The following TMEM117 variants were observed in gnomAD, a reference collection of about 807,000 sequenced individuals.
The protein encoded by TMEM117 is transmembrane protein 117.
In TMEM117, 27 loss-of-function variants were observed where a neutral mutation model predicts 52.4. The observed-to-expected ratio is 0.51, with a 90% CI of 0.38 to 0.71. The LOEUF (loss-of-function observed/expected upper bound fraction) is 0.71, where lower values mean the gene tolerates loss of function less well. TMEM117 is among the 30% of genes least tolerant of loss of function. The pLI is 0.00. For synonymous variants in TMEM117, 215 were observed against 206.3 expected (o/e 1.04, Z -0.36); for missense variants, 556 against 630.5 (o/e 0.88, Z 1.26).
At chr12:43,907,795 A>T (rs1015514842) in intron 2 of TMEM117, among the ~76,000 whole-genome samples, 1 of 143,680 alleles carries the variant, frequency 7.0e-6, no homozygotes, top group African/African-American at 2.5e-5. Flanking sequence ...AAGTTTAGAG[A>T]AAAAAGAATA....
chr12:43,799,177 T>C, the TMEM117 span, among the ~76,000 whole-genome samples: 3 of 152,106 alleles, frequency 2.0e-5, no homozygotes, highest in Non-Finnish European at 4.4e-5. Flanking sequence ...ATGAAGATTA[T>C]AGGAAAAGCT....
intron 4 of TMEM117, among the ~76,000 whole-genome samples, chr12:44,158,285 A>T (rs1191651751): frequency 6.6e-6 from 1 of 152,174 alleles, no homozygotes; most frequent in Non-Finnish European, 1.5e-5. Flanking sequence ...CAGGTGTGAC[A>T]ACAAAAGAAT....
chr12:44,287,223 T>C (rs1179673061), intron 5 of TMEM117, among the ~76,000 whole-genome samples: 1 of 152,154 alleles, frequency 6.6e-6, no homozygotes, highest in East Asian at 1.9e-4. Flanking sequence ...ATGGAATCAT[T>C]ATAATGAAGA....
intron 3 of TMEM117, among the ~76,000 whole-genome samples, chr12:44,101,550 G>A (rs1947861171): frequency 6.6e-6 from 1 of 151,872 alleles, no homozygotes; most frequent in Admixed American, 6.6e-5. Flanking sequence ...TTGGGCATAA[G>A]TCTCTCCCAC....
chr12:44,035,637 G>A (rs1946698683), intron 3 of TMEM117, among the ~76,000 whole-genome samples: 1 of 152,204 alleles, frequency 6.6e-6, no homozygotes. Flanking sequence ...AATCTAGGTT[G>A]TTAACTTGAG....
intron 2 of TMEM117, among the ~76,000 whole-genome samples, chr12:43,859,705 G>A (rs1167340494): frequency 2.0e-5 from 3 of 152,120 alleles, no homozygotes; most frequent in Non-Finnish European, 4.4e-5. Context: ...AGAATGAAAT[G>A]GAGGGGAAGG....
At chr12:44,079,974 T>C (rs1947454036) in intron 3 of TMEM117, among the ~76,000 whole-genome samples, 1 of 137,184 alleles carries the variant, frequency 7.3e-6, no homozygotes, top group Non-Finnish European at 1.5e-5. Flanking sequence ...ACCGAGATGA[T>C]GGCATTGCAT....
At chr12:44,235,347 A>C (rs80196161) in intron 5 of TMEM117, among the ~76,000 whole-genome samples, 4,614 of 151,030 alleles carry the variant, frequency 0.031, 105 homozygotes, top group Admixed American at 0.044. Flanking sequence ...ATGCACAGTT[A>C]GATTTTTAGA....
intron 3 of TMEM117, among the ~76,000 whole-genome samples, chr12:44,055,368 G>C (rs1014502577): frequency 6.6e-6 from 1 of 152,170 alleles, no homozygotes; most frequent in East Asian, 1.9e-4. Flanking sequence ...GTTGGAAACA[G>C]TTACCCAGGA....
chr12:44,014,867 C>T (rs535664296), intron 3 of TMEM117, among the ~76,000 whole-genome samples: 4 of 152,002 alleles, frequency 2.6e-5, no homozygotes, highest in African/African-American at 9.7e-5. Flanking sequence ...CTGTGAAATA[C>T]TGTGATCGGT....
At chr12:43,936,955 G>T (rs137915871) in intron 2 of TMEM117, among the ~76,000 whole-genome samples, 65 of 152,230 alleles carry the variant, frequency 4.3e-4, no homozygotes, top group Non-Finnish European at 7.9e-4. Flanking sequence ...GGCCTCAGAG[G>T]TGGAGAAAAA....
At chr12:44,249,781 C>T (rs1434555811) in intron 5 of TMEM117, among the ~76,000 whole-genome samples, 1 of 152,144 alleles carries the variant, frequency 6.6e-6, no homozygotes, top group Admixed American at 6.5e-5. Flanking sequence ...GGTAAACTGG[C>T]TAGCCATATG....
At chr12:44,010,704 T>G (rs749379431) in intron 3 of TMEM117, among the ~76,000 whole-genome samples, 1 of 152,176 alleles carries the variant, frequency 6.6e-6, no homozygotes, top group Non-Finnish European at 1.5e-5. Flanking sequence ...CAATATACAT[T>G]TATAAGTAAT....
At chr12:44,187,725 C>G (rs1949296895) in intron 4 of TMEM117, among the ~76,000 whole-genome samples, 2 of 152,056 alleles carry the variant, frequency 1.3e-5, no homozygotes, top group African/African-American at 4.8e-5. Flanking sequence ...TGAAATAACC[C>G]TTTTGGCCAC....
the TMEM117 span, among the ~76,000 whole-genome samples, chr12:43,826,944 G>C: frequency 1.3e-5 from 2 of 152,068 alleles, no homozygotes; most frequent in East Asian, 3.9e-4. Flanking sequence ...GTTGGTTGAC[G>C]ATGCAATGAC....
chr12:43,925,052 A>T (rs1446135655), intron 2 of TMEM117, among the ~76,000 whole-genome samples: 1 of 152,148 alleles, frequency 6.6e-6, no homozygotes, highest in African/African-American at 2.4e-5. Context: ...GGAATTTTTC[A>T]TAGGGCAACT....
chr12:44,195,495 A>G (rs1895215), intron 4 of TMEM117, among the ~76,000 whole-genome samples: 2,912 of 152,250 alleles, frequency 0.019, 33 homozygotes, highest in Non-Finnish European at 0.028. Flanking sequence ...CACAAGAGCA[A>G]GAGCCATAGG....
At chr12:43,876,416 C>A (rs947825522) in intron 2 of TMEM117, among the ~76,000 whole-genome samples, 3 of 152,116 alleles carry the variant, frequency 2.0e-5, no homozygotes, top group Non-Finnish European at 4.4e-5. Context: ...GGTTGATCTT[C>A]AAGATGTCGT....
intron 3 of TMEM117, among the ~76,000 whole-genome samples, chr12:44,082,065 G>A (rs186697683): frequency 1.2e-4 from 18 of 151,698 alleles, no homozygotes; most frequent in East Asian, 5.8e-4. Flanking sequence ...TTATAAGATC[G>A]TTTCAACAAA....
Sources: gnomAD v4.1 joint callset for allele counts (sites outside exome capture counted in the v4.1 genomes callset) on GRCh38, gnomAD v4.1.1 for gene constraint, MANE v1.5 for transcripts, NCBI Gene and HGNC (gene_info 2026-07-23, HGNC 2026-07-21) for gene names.